Variants in NOVA1 observed in about 807,000 individuals in gnomAD.
NOVA1 encodes the protein RNA-binding protein Nova-1.
In NOVA1, 7 loss-of-function variants were observed where a neutral mutation model predicts 38.0. That is an observed-to-expected ratio of 0.18 (90% CI 0.10 to 0.35). The LOEUF is 0.35. Among genes scored for constraint, NOVA1 ranks in the 10% least tolerant of loss-of-function variants. The pLI is 1.00. For synonymous variants in NOVA1, 270 were observed against 232.5 expected (o/e 1.16, Z -1.47); for missense variants, 460 against 616.0 (o/e 0.75, Z 2.68).
chr14:26,576,553 T>C (rs530789662), intron 2 of NOVA1, among the ~76,000 whole-genome samples: 11 of 152,046 alleles, frequency 7.2e-5, no homozygotes, highest in Admixed American at 2.6e-4. Context: ...TTTAGCACAA[T>C]ATTCTAAATG....
intron 2 of NOVA1, among the ~76,000 whole-genome samples, chr14:26,574,443 G>A (rs186638599): frequency 4.0e-5 from 6 of 151,850 alleles, no homozygotes; most frequent in African/African-American, 1.4e-4. Flanking sequence ...CTGCTACCTT[G>A]GAAATGTCAT....
intron 2 of NOVA1, chr14:26,549,263 A>C (rs1891017432): frequency 6.6e-6 from 1 of 152,118 alleles, no homozygotes; most frequent in South Asian, 2.1e-4. Context: ...ACTCCAAAAG[A>C]AAGTATTAAA....
intron 4 of NOVA1, among the ~76,000 whole-genome samples, chr14:26,469,201 T>A (rs1205230504): frequency 1.3e-5 from 2 of 152,190 alleles, no homozygotes; most frequent in Non-Finnish European, 2.9e-5. Flanking sequence ...TGTAAAACTG[T>A]TAGTTCTTAT....
chr14:26,559,764 T>G (rs1226839003), intron 2 of NOVA1, among the ~76,000 whole-genome samples: 1 of 151,874 alleles, frequency 6.6e-6, no homozygotes, highest in African/African-American at 2.4e-5. Context: ...TAAAAAGAGG[T>G]TGATTAATGG....
intron 3 of NOVA1, 38 bp from the exon 4 acceptor site, chr14:26,472,429 A>G: frequency 9.7e-7 from 1 of 1,032,910 alleles, no homozygotes; most frequent in African/African-American, 1.6e-5. Flanking sequence ...ATCAACCTTT[A>G]TAAGCCTTAA....
intron 2 of NOVA1, among the ~76,000 whole-genome samples, chr14:26,545,120 G>A (rs1566523975): frequency 6.6e-6 from 1 of 152,046 alleles, no homozygotes; most frequent in Admixed American, 6.6e-5. Context: ...CTCTTAAGTA[G>A]TGGAGGAAAA....
At chr14:26,476,843 G>A (rs1374995807) in intron 3 of NOVA1, among the ~76,000 whole-genome samples, 1 of 148,780 alleles carries the variant, frequency 6.7e-6, no homozygotes, top group Admixed American at 6.7e-5. Flanking sequence ...CAGCCTCCCA[G>A]CAGCTGTGAC....
At chr14:26,451,175 A>C (rs1318424216) in intron 4 of NOVA1, among the ~76,000 whole-genome samples, 1 of 152,118 alleles carries the variant, frequency 6.6e-6, no homozygotes, top group African/African-American at 2.4e-5. Flanking sequence ...TTTCTACTAT[A>C]TGGCACATCA....
intron 2 of NOVA1, among the ~76,000 whole-genome samples, chr14:26,587,950 A>T (rs1002902075): frequency 6.6e-6 from 1 of 151,190 alleles, no homozygotes; most frequent in Non-Finnish European, 1.5e-5. Context: ...AATGAAGACA[A>T]TCTTCTTTAA....
At position 26,448,658 on chromosome 14, in the gene NOVA1, A is replaced by C; in HGVS notation, c.825T>G (p.Thr275=). Residue 275 remains threonine, a synonymous_variant, in exon 5 of 5, where the codon ACT becomes ACG. Coordinates refer to ENST00000539517, the MANE Select transcript of NOVA1 (RefSeq NM_002515.3). This position sits in a 1 kb window ranked among gnomAD's most constrained non-coding sequence, Gnocchi z 5.3. ...CTGCAGCAGTTGGTAACACTTCAGC[A>C]GTGTTTGCATAAGGAGATCCGGTTG... The part of the protein sequence containing the change: ...SNPTGSPYAN[T]AEVLPTAAAA... 1.2e-6 allele frequency: 2 copies of C among 1,614,186 alleles called. No individual in the cohort carries two copies. Among genetic ancestry groups the C allele is most frequent in the Non-Finnish European group, 1.7e-6 (2 of 1,180,028 alleles).
In NOVA1 at chr14:26,480,225, CA is replaced by C. The variant is rs1016514287; in HGVS notation, c.281-83del. 7.7e-5 allele frequency: 93 copies of C among 1,205,538 alleles called. No homozygotes were observed. The Middle Eastern group carries it at 8.0e-4, about 10-fold the overall frequency. 74.7% of individuals were successfully genotyped at this position (1,205,538 alleles called of 1,614,324 possible). A position where few individuals can be genotyped will look rare whatever the true frequency, so the allele number is the denominator to read the frequency against. ...ATGAAAAAGGATGATATCATAACGC[CA>C]AAAAAATGTAAAATGCAGAACTCTA... On this transcript the variant is annotated intron_variant, in intron 2 of 4. Transcript: ENST00000539517.
chr14:26,485,239 TTGTC>T (rs999327076), intron 2 of NOVA1, among the ~76,000 whole-genome samples: 1 of 152,142 alleles, frequency 6.6e-6, no homozygotes, highest in African/African-American at 2.4e-5. Context: ...CTAAAATTTC[TTGTC>T]TGTATTTTGA....
intron 2 of NOVA1, among the ~76,000 whole-genome samples, chr14:26,508,573 C>A (rs1192232250): frequency 1.3e-5 from 2 of 151,670 alleles, no homozygotes; most frequent in African/African-American, 4.8e-5. Context: ...CACACACACA[C>A]ACACCATTTA....
chr14:26,574,273 C>CA (rs1401779918), intron 2 of NOVA1, among the ~76,000 whole-genome samples: 2 of 92,588 alleles, frequency 2.2e-5, no homozygotes, highest in Admixed American at 2.1e-4. Flanking sequence ...ATCCACCCCC[C>CA]CCCCCCCGCC....
intron 2 of NOVA1, among the ~76,000 whole-genome samples, chr14:26,507,366 T>C (rs1345737485): frequency 1.3e-5 from 2 of 152,162 alleles, no homozygotes; most frequent in Non-Finnish European, 2.9e-5. Flanking sequence ...GAATTGATAA[T>C]TGAGGCATGT....
At chr14:26,507,273 TAAA>T (rs5807367) in intron 2 of NOVA1, among the ~76,000 whole-genome samples, 1 of 148,774 alleles carries the variant, frequency 6.7e-6, no homozygotes, top group South Asian at 2.1e-4. Flanking sequence ...CAACTCATTG[TAAA>T]AAAAAAAAAT....
At chr14:26,485,132 T>C (rs879820274) in intron 2 of NOVA1, among the ~76,000 whole-genome samples, 2 of 152,106 alleles carry the variant, frequency 1.3e-5, no homozygotes, top group African/African-American at 2.4e-5. Context: ...AGGGACTTTG[T>C]CATGTTTACC....
At chr14:26,597,200 CG>C in intron 1 of NOVA1, 100 bp downstream of exon 1, 2 of 682,386 alleles carry the variant, frequency 2.9e-6, no homozygotes, top group Non-Finnish European at 3.9e-6. Context: ...GTCCGGGCCG[CG>C]GGAGGGAGGG....
chr14:26,596,471 T>C, intron 1 of NOVA1: 1 of 1,142,546 alleles, frequency 8.8e-7, no homozygotes. Context: ...GACACCCCGG[T>C]AAATCCAGCT....
Sources: gnomAD v4.1 joint callset for allele counts (sites outside exome capture counted in the v4.1 genomes callset) on GRCh38, gnomAD v4.1.1 for gene constraint, Gnocchi (gnomAD v3.1) non-coding constraint, MANE v1.5 for transcripts, NCBI Gene and HGNC (gene_info 2026-07-23, HGNC 2026-07-21) for gene names.